CHD9: variants seen among roughly 807,000 people sequenced by gnomAD.
The protein encoded by CHD9 is ATP-dependent chromatin remodeler CHD9.
CHD9 carries 77 observed loss-of-function variants against 316.1 expected under a neutral mutation model. The observed-to-expected ratio is 0.24, with a 90% CI of 0.20 to 0.29. CHD9 has a LOEUF of 0.29. Among genes scored for constraint, CHD9 ranks in the 10% least tolerant of loss-of-function variants. CHD9 has a pLI of 1.00. For synonymous variants in CHD9, 1,129 were observed against 1,158.3 expected (o/e 0.97, Z 0.51); for missense variants, 2,763 against 3,438.1 (o/e 0.80, Z 4.91).
chr16:53,177,112 T>C (rs1253624061), intron 2 of CHD9, among the ~76,000 whole-genome samples: 2 of 152,106 alleles, frequency 1.3e-5, no homozygotes, highest in Non-Finnish European at 2.9e-5. Context: ...CATGCCACCA[T>C]GCCTGGCTAA....
intron 2 of CHD9, among the ~76,000 whole-genome samples, chr16:53,179,868 CCCTGGGCGACGGAGTGAGACTTCA>C: frequency 6.6e-6 from 1 of 151,152 alleles, no homozygotes; most frequent in East Asian, 2.0e-4. Context: ...CTGTACCCTA[CCCTGGGCGACGGAGTGAGACTTCA>C]TCTCAAAAAA....
chr16:53,298,320 CAAA>C (rs767208426), intron 30 of CHD9: 3 of 81,654 alleles, frequency 3.7e-5, no homozygotes, highest in Non-Finnish European at 5.2e-5. Flanking sequence ...GGCAGCACTA[CAAA>C]AAAAAAAAAA....
intron 2 of CHD9, among the ~76,000 whole-genome samples, chr16:53,192,863 T>G (rs1194391320): frequency 2.0e-5 from 3 of 152,220 alleles, no homozygotes; most frequent in African/African-American, 7.2e-5. Flanking sequence ...AAATTGTTTA[T>G]GTATTCACAA....
chr16:53,126,006 AAGTTT>A (rs1187779379), intron 1 of CHD9, among the ~76,000 whole-genome samples: 1 of 152,144 alleles, frequency 6.6e-6, no homozygotes. Flanking sequence ...TATTTTGATG[AAGTTT>A]AATCTACTTT....
At chr16:53,308,000 GCAGCATGCTTTT>G in intron 33 of CHD9, 47 bp downstream of exon 33, 1 of 1,495,222 alleles carries the variant, frequency 6.7e-7, no homozygotes, top group Non-Finnish European at 9.0e-7. Flanking sequence ...ATTGCGGTGT[GCAGCATGCTTTT>G]CCTGCAAATG....
At chr16:53,072,076 C>T (rs1273693784) in intron 1 of CHD9, among the ~76,000 whole-genome samples, 17 of 152,114 alleles carry the variant, frequency 1.1e-4, no homozygotes, top group African/African-American at 3.6e-4. Context: ...AATTCATAGG[C>T]GCCAGTGTCT....
At chr16:53,236,284 A>G (rs1435457217) in intron 11 of CHD9, among the ~76,000 whole-genome samples, 1 of 152,114 alleles carries the variant, frequency 6.6e-6, no homozygotes, top group Non-Finnish European at 1.5e-5. Context: ...CACTCTCTGT[A>G]TATGACTGCT....
At chr16:53,188,182 T>A (rs2044187064) in intron 2 of CHD9, among the ~76,000 whole-genome samples, 1 of 152,236 alleles carries the variant, frequency 6.6e-6, no homozygotes, top group African/African-American at 2.4e-5. Flanking sequence ...CATTTTTAAT[T>A]GCCAAATAAT....
At chr16:53,320,773 C>T (rs1486221652) in intron 37 of CHD9, among the ~76,000 whole-genome samples, 9 of 151,910 alleles carry the variant, frequency 5.9e-5, no homozygotes, top group Admixed American at 5.2e-4. Flanking sequence ...AAATTATTTA[C>T]TTATGATTGG....
intron 20 of CHD9, among the ~76,000 whole-genome samples, chr16:53,265,056 C>G (rs547201109): frequency 2.6e-5 from 4 of 152,166 alleles, no homozygotes; most frequent in African/African-American, 9.6e-5. Flanking sequence ...AAGGACTTTT[C>G]TGAAAATGTA....
rs543223782 is a variant in CHD9, at chr16:53,067,378, C to G, written c.-165+12301C>G. Among the ~76,000 whole-genome samples the G allele has an allele frequency of 2.4e-3, 358 of 152,020 alleles. 3 individuals are homozygous for G. The highest frequency in any genetic ancestry group is 8.3e-3 in the African/African-American group (345 of 41,450). On this transcript the variant is annotated intron_variant, in intron 1 of 38. Coordinates refer to ENST00000447540, the MANE Select transcript of CHD9 (RefSeq NM_001308319.2). ...CTAAAAACATAGTTTATTCAGATAC[C>G]CTTAGTGTTTATTTAATGTTCGTTT...
At chr16:53,170,049 G>GTTT (rs1402669050) in intron 2 of CHD9, among the ~76,000 whole-genome samples, 2 of 127,790 alleles carry the variant, frequency 1.6e-5, no homozygotes, top group African/African-American at 2.8e-5. Context: ...GTTTTTTTTT[G>GTTT]TTTTTTTTTG....
At chr16:53,294,521 G>C (rs1306411951) in intron 29 of CHD9, among the ~76,000 whole-genome samples, 2 of 152,078 alleles carry the variant, frequency 1.3e-5, no homozygotes, top group African/African-American at 2.4e-5. Flanking sequence ...CTGTTGGCTG[G>C]GTTTCTGAGA....
chr16:53,287,951 T>C lies in CHD9; in HGVS notation c.5190-6T>C. On this transcript the variant is annotated splice_region_variant and splice_polypyrimidine_tract_variant and intron_variant, in intron 26 of 38. Transcript: ENST00000447540. ...GTAATTATAGCATTTGTTTGTATTTTAACAGGGATGTGGAAGATCCAGAAT... is the reference window on the plus strand; with the variant it reads ...GTAATTATAGCATTTGTTTGTATTTCAACAGGGATGTGGAAGATCCAGAAT... 6.2e-7 allele frequency: 1 copy of C among 1,604,408 alleles called. No individual in the cohort carries two copies. The highest frequency in any genetic ancestry group is 8.5e-7 in the Non-Finnish European group (1 of 1,171,204).
intron 24 of CHD9, among the ~76,000 whole-genome samples, chr16:53,276,389 G>T (rs2052822910): frequency 6.6e-6 from 1 of 152,088 alleles, no homozygotes; most frequent in African/African-American, 2.4e-5. Context: ...TAACTGTTGT[G>T]GCTAGTCAAT....
At chr16:53,160,334 G>A (rs1045458742) in intron 2 of CHD9, among the ~76,000 whole-genome samples, 36 of 152,164 alleles carry the variant, frequency 2.4e-4, no homozygotes, top group African/African-American at 7.9e-4. Context: ...TTAAAAAGTA[G>A]TAAGGACTCC....
At chr16:53,195,380 A>G (rs1285293109) in intron 2 of CHD9, among the ~76,000 whole-genome samples, 1 of 152,202 alleles carries the variant, frequency 6.6e-6, no homozygotes, top group Non-Finnish European at 1.5e-5. Context: ...ATTAGTTACA[A>G]ATTACCACAT....
intron 34 of CHD9, among the ~76,000 whole-genome samples, chr16:53,313,038 A>G (rs1319398085): frequency 1.3e-5 from 2 of 152,238 alleles, no homozygotes; most frequent in Non-Finnish European, 1.5e-5. Flanking sequence ...ACTGCATAGT[A>G]CATAGCTGCT....
Position 53,156,094 on chromosome 16 carries a change from C to G in CHD9, c.5C>G (p.Thr2Arg). The change falls in exon 2 of 39, where the codon ACA (threonine) becomes AGA (arginine). Residue 2 changes from threonine to arginine, a missense_variant. Thr to Arg is a moderately conservative substitution (Grantham distance 71, BLOSUM62 -1). This residue lies in a region of CHD9 where 859 missense variants were observed against 890.4 expected (regional missense o/e 0.96). Coordinates refer to ENST00000447540, the MANE Select transcript of CHD9 (RefSeq NM_001308319.2). ...GATTGTTACAGAATTTTCAAGATGA[C>G]AGATCCAATGATGGACTTTTTTGAT... Reference protein sequence around the residue: MTDPMMDFFDDA... With the variant: MRDPMMDFFDDA... 1.2e-6 allele frequency: 2 copies of G among 1,610,402 alleles called. No individual in the cohort carries two copies.
Sources: allele counts gnomAD v4.1 joint callset (sites outside exome capture counted in the v4.1 genomes callset), GRCh38; gene constraint gnomAD v4.1.1; regional missense constraint gnomAD v4.1.1; transcripts MANE v1.5; gene names NCBI Gene and HGNC (gene_info 2026-07-23, HGNC 2026-07-21).